Variants in PLOD2 observed in about 807,000 individuals in gnomAD.
PLOD2 encodes procollagen-lysine,2-oxoglutarate 5-dioxygenase 2.
A neutral mutation model predicts 101.0 loss-of-function variants in PLOD2; 65 were observed. The ratio of observed to expected loss-of-function variants is 0.64; its 90% CI spans 0.53 to 0.79. PLOD2 has a LOEUF of 0.79. Among genes scored for constraint, PLOD2 ranks in the 30% least tolerant of loss-of-function variants. The pLI, the probability that PLOD2 is intolerant of heterozygous loss-of-function variation, is 0.00. For synonymous variants in PLOD2, 314 were observed against 302.9 expected (o/e 1.04, Z -0.38); for missense variants, 909 against 914.6 (o/e 0.99, Z 0.08).
chr3:146,086,209 T>A (rs1936761762), intron 10 of PLOD2: 1 of 152,304 alleles, frequency 6.6e-6, no homozygotes, highest in South Asian at 2.1e-4. Context: ...ATGGATCATG[T>A]CTTCACCTTT....
At chr3:146,083,581 T>TTTCC (rs1559838208) in intron 11 of PLOD2, among the ~76,000 whole-genome samples, 3 of 28,658 alleles carry the variant, frequency 1.0e-4, no homozygotes, top group Non-Finnish European at 2.9e-4. Flanking sequence ...CTTTTTCTTT[T>TTTCC]TTTTTTTTTT....
rs904788478 is a variant in PLOD2 at position 146,083,560 on chromosome 3, G to A, written c.1232+1609C>T. Among the ~76,000 whole-genome samples the A allele has an allele frequency of 1.8e-4, 26 of 147,398 alleles. No homozygotes were observed. In the South Asian group the frequency reaches 3.7e-3, roughly 21 times the overall value. On this transcript the variant is annotated intron_variant, in intron 11 of 19. Transcript: ENST00000282903. ...TCTTTAAGGGGCAAGGGCCCCAGAT[G>A]GCAGGTAAGTCTTTTTCTTTTTTTT...
rs771753770 is a variant in PLOD2, at chr3:146,086,918, AT to A, written c.1006-11del. The A allele has an allele frequency of 1.8e-5, 26 of 1,460,898 alleles. No individual in the cohort carries two copies. The East Asian group carries it at 5.6e-4, about 31-fold the overall frequency. 90.5% of individuals were successfully genotyped at this position (1,460,898 alleles called of 1,614,324 possible). A position where few individuals can be genotyped will look rare whatever the true frequency, so the allele number is the denominator to read the frequency against. On this transcript the variant is annotated splice_polypyrimidine_tract_variant and intron_variant, in intron 9 of 19. Coordinates refer to ENST00000282903, the MANE Select transcript of PLOD2 (RefSeq NM_182943.3). ...TTTCATGATAAACTTCCTGTAACAT[AT>A]TTTAAAAATCAAAAATTAGAGAATA...
At chr3:146,084,430 T>C (rs988823029) in intron 11 of PLOD2, among the ~76,000 whole-genome samples, 2 of 152,114 alleles carry the variant, frequency 1.3e-5, no homozygotes, top group Non-Finnish European at 2.9e-5. Context: ...ACATTTCCCA[T>C]GTATCTTACT....
chr3:146,126,436 T>C (rs2030564150), intron 1 of PLOD2, among the ~76,000 whole-genome samples: 1 of 152,176 alleles, frequency 6.6e-6, no homozygotes, highest in Admixed American at 6.6e-5. Context: ...ATTTATGAAG[T>C]ATTACTGTTA....
intron 17 of PLOD2, among the ~76,000 whole-genome samples, chr3:146,072,069 G>A (rs971036999): frequency 6.6e-6 from 1 of 151,714 alleles, no homozygotes; most frequent in Non-Finnish European, 1.5e-5. Context: ...ACTGGCAGTA[G>A]TATTTCCTGC....
At chr3:146,139,933 T>G (rs924468947) in intron 1 of PLOD2, among the ~76,000 whole-genome samples, 1 of 152,096 alleles carries the variant, frequency 6.6e-6, no homozygotes, top group Admixed American at 6.6e-5. Flanking sequence ...ATTCAACTAA[T>G]TCCTAGCTAC....
chr3:146,150,442 G>A (rs2032001976), intron 1 of PLOD2, among the ~76,000 whole-genome samples: 1 of 151,954 alleles, frequency 6.6e-6, no homozygotes, highest in African/African-American at 2.4e-5. Context: ...GGATGGAGCT[G>A]GAGGCTATTA....
intron 13 of PLOD2, 152 bp downstream of exon 13, chr3:146,078,964 A>C (rs1172792418): frequency 1.4e-6 from 1 of 723,512 alleles, no homozygotes; most frequent in Non-Finnish European, 2.5e-6. Flanking sequence ...TATCTCCAAA[A>C]TTACTCCCAA....
chr3:146,109,211 T>C (rs1009242960), intron 4 of PLOD2, among the ~76,000 whole-genome samples: 5 of 152,066 alleles, frequency 3.3e-5, no homozygotes, highest in African/African-American at 9.7e-5. Flanking sequence ...GAAAAGAAAA[T>C]GGTCAAGAGA....
chr3:146,142,742 C>T (rs1490784911), intron 1 of PLOD2, among the ~76,000 whole-genome samples: 6 of 152,052 alleles, frequency 3.9e-5, no homozygotes, highest in African/African-American at 1.4e-4. Context: ...CAATAAATAA[C>T]AAACGATAAA....
At chr3:146,112,676 A>G (rs1576603852) in intron 3 of PLOD2, among the ~76,000 whole-genome samples, 1 of 151,806 alleles carries the variant, frequency 6.6e-6, no homozygotes, top group Non-Finnish European at 1.5e-5. Flanking sequence ...CATAGTGAAA[A>G]CCCATCTCTA....
chr3:146,122,659 A>G (rs2030249067), intron 2 of PLOD2, among the ~76,000 whole-genome samples: 1 of 151,662 alleles, frequency 6.6e-6, no homozygotes, highest in African/African-American at 2.4e-5. Context: ...ACTGCATTAC[A>G]TGAGGAGAGA....
At chr3:146,134,998 C>CA (rs2031148659) in intron 1 of PLOD2, among the ~76,000 whole-genome samples, 1 of 152,142 alleles carries the variant, frequency 6.6e-6, no homozygotes, top group South Asian at 2.1e-4. Flanking sequence ...GAAACAGGAA[C>CA]AAAAATGGAC....
chr3:146,124,826 G>T (rs1170005894), intron 1 of PLOD2, among the ~76,000 whole-genome samples: 2 of 151,910 alleles, frequency 1.3e-5, no homozygotes, highest in Non-Finnish European at 2.9e-5. Flanking sequence ...TTGTGTTTTG[G>T]TTTCTCTTTA....
At chr3:146,090,157 A>T (rs987715864) in intron 8 of PLOD2, among the ~76,000 whole-genome samples, 2 of 151,174 alleles carry the variant, frequency 1.3e-5, no homozygotes, top group Non-Finnish European at 3.0e-5. Flanking sequence ...ATTTCATTTA[A>T]CATTCCTACC....
Position 146,102,854 on chromosome 3 carries a change from T to C in PLOD2, c.680-2A>G, listed in dbSNP as rs368636333. On this transcript the variant is annotated splice_acceptor_variant, in intron 6 of 19. Transcript: ENST00000282903. LOFTEE classifies it high-confidence loss of function. Reference sequence around the variant, plus strand: ...TTTCAAATTTTAAAACAACTTCATCTGGGTTAAAAAGAGAAAATAGGCTTT... The same window carrying C: ...TTTCAAATTTTAAAACAACTTCATCCGGGTTAAAAAGAGAAAATAGGCTTT... 2.0e-6 allele frequency: 3 copies of C among 1,517,078 alleles called. No homozygotes were observed. Among genetic ancestry groups the C allele is most frequent in the African/African-American group, 2.7e-5 (2 of 72,996 alleles). 94.0% of individuals were successfully genotyped at this position (1,517,078 alleles called of 1,614,324 possible).
rs573960640 is a variant in PLOD2 at position 146,100,381 on chromosome 3, C to T, written c.777+2374G>A. Among the ~76,000 whole-genome samples, 11 of 152,244 alleles carry T rather than the reference C, an allele frequency of 7.2e-5. No homozygotes were observed. The South Asian group carries it at 2.3e-3, about 32-fold the overall frequency. On this transcript the variant is annotated intron_variant, in intron 7 of 19. Transcript: ENST00000282903. ...AGATAAGGTTTCTGTAATTCCTAGA[C>T]CAAAGGCCTAGTAAGAGAGACCAGA...
intron 3 of PLOD2, among the ~76,000 whole-genome samples, chr3:146,115,046 T>C (rs1253538339): frequency 6.6e-6 from 1 of 152,180 alleles, no homozygotes; most frequent in African/African-American, 2.4e-5. Flanking sequence ...GTTTTGCGGC[T>C]TGGGGGGCAG....
Sources: gnomAD v4.1 joint callset for allele counts (sites outside exome capture counted in the v4.1 genomes callset) on GRCh38, gnomAD v4.1.1 for gene constraint, MANE v1.5 for transcripts, NCBI Gene and HGNC (gene_info 2026-07-23, HGNC 2026-07-21) for gene names.